Variants in TMEM131L observed in about 807,000 individuals in gnomAD.
TMEM131L encodes the protein transmembrane 131 like.
A neutral mutation model predicts 192.2 loss-of-function variants in TMEM131L; 54 were observed. That is an observed-to-expected ratio of 0.28 (90% CI 0.23 to 0.35). The LOEUF (loss-of-function observed/expected upper bound fraction) is 0.35. Ranked by LOEUF, TMEM131L falls within the 10% of genes least tolerant of loss-of-function variation. TMEM131L has a pLI of 1.00. For missense variants in TMEM131L, 1,888 were observed against 1,972.9 expected, an observed-to-expected ratio of 0.96 and a Z score of 0.82; for synonymous variants, 701 against 704.9, an observed-to-expected ratio of 0.99 and a Z score of 0.09.
intron 7 of TMEM131L, among the ~76,000 whole-genome samples, chr4:153,569,882 T>C (rs1729467765): frequency 6.6e-6 from 1 of 152,218 alleles, no homozygotes; most frequent in South Asian, 2.1e-4. Context: ...GGGAGAACTT[T>C]AATATTCAGA....
At chr4:153,552,499 T>G (rs1326924782) in intron 4 of TMEM131L, among the ~76,000 whole-genome samples, 1 of 152,098 alleles carries the variant, frequency 6.6e-6, no homozygotes, top group Non-Finnish European at 1.5e-5. Context: ...CTCAAGTCCT[T>G]GGCATAGTAT....
Position 153,636,602 on chromosome 4 carries a change from G to A in TMEM131L, c.*26G>A. The A allele has an allele frequency of 6.3e-7, 1 of 1,598,830 alleles. No individual in the cohort carries two copies. Among genetic ancestry groups the A allele is most frequent in the Non-Finnish European group, 8.6e-7 (1 of 1,168,890 alleles). ...AAATAATTGGATTTTTAAACAATGT[G>A]AATAAAGAGGCTTGTGTTTTGATTA... On this transcript the variant is annotated 3_prime_UTR_variant, in exon 35 of 35. Coordinates refer to ENST00000409959, the MANE Select transcript of TMEM131L (RefSeq NM_001131007.2).
chr4:153,616,462 TG>T (rs1180869652), intron 26 of TMEM131L, among the ~76,000 whole-genome samples: 3 of 152,260 alleles, frequency 2.0e-5, no homozygotes, highest in Non-Finnish European at 4.4e-5. Flanking sequence ...CTTACAAAAT[TG>T]TATAAATCTG....
intron 26 of TMEM131L, among the ~76,000 whole-genome samples, chr4:153,613,638 T>C (rs548878134): frequency 6.6e-6 from 1 of 152,308 alleles, no homozygotes; most frequent in Non-Finnish European, 1.5e-5. Flanking sequence ...TATATAAAAT[T>C]GACCCTTACA....
At chr4:153,586,079 T>G in intron 13 of TMEM131L, 130 bp from the exon 14 acceptor site, 1 of 615,312 alleles carries the variant, frequency 1.6e-6, no homozygotes, top group Non-Finnish European at 2.5e-6. Context: ...ATTCCAACTT[T>G]TGATCTGGAA....
intron 7 of TMEM131L, among the ~76,000 whole-genome samples, chr4:153,578,997 T>A (rs1730157047): frequency 6.6e-6 from 1 of 152,154 alleles, no homozygotes; most frequent in Non-Finnish European, 1.5e-5. Context: ...ATTTTAAAAA[T>A]TAAAAATCAG....
intron 3 of TMEM131L, among the ~76,000 whole-genome samples, chr4:153,496,498 T>A (rs1580070839): frequency 6.6e-6 from 1 of 152,320 alleles, no homozygotes; most frequent in South Asian, 2.1e-4. Flanking sequence ...ACTGTGACAG[T>A]GTCATTGTCA....
At chr4:153,546,181 G>A (rs866661452) in intron 3 of TMEM131L, among the ~76,000 whole-genome samples, 2 of 151,030 alleles carry the variant, frequency 1.3e-5, no homozygotes, top group South Asian at 4.2e-4. Flanking sequence ...GTGAGCCACT[G>A]CACCCGGTCC....
At chr4:153,623,292 G>A (rs993615430) in intron 29 of TMEM131L, among the ~76,000 whole-genome samples, 3 of 151,924 alleles carry the variant, frequency 2.0e-5, no homozygotes, top group Non-Finnish European at 4.4e-5. Context: ...ATCATTGTTT[G>A]TTAGTGTCTG....
At chr4:153,476,787 T>C (rs112649521) in intron 3 of TMEM131L, among the ~76,000 whole-genome samples, 12,905 of 152,144 alleles carry the variant, frequency 0.085, 1,567 homozygotes, top group African/African-American at 0.27. Context: ...ACATAAAATA[T>C]CCAGCCATGA....
intron 3 of TMEM131L, among the ~76,000 whole-genome samples, chr4:153,542,652 T>C (rs751275948): frequency 6.6e-6 from 1 of 152,232 alleles, no homozygotes; most frequent in Non-Finnish European, 1.5e-5. Flanking sequence ...TTAATAAATT[T>C]ACTTGCTGTC....
chr4:153,553,877 A>G (rs1174995123), intron 4 of TMEM131L, among the ~76,000 whole-genome samples: 1 of 152,200 alleles, frequency 6.6e-6, no homozygotes, highest in Non-Finnish European at 1.5e-5. Context: ...AAGGAAATTT[A>G]TATCCTCATA....
intron 3 of TMEM131L, among the ~76,000 whole-genome samples, chr4:153,507,267 T>C (rs1291031551): frequency 1.3e-5 from 2 of 152,162 alleles, no homozygotes; most frequent in Non-Finnish European, 2.9e-5. Flanking sequence ...AACTGTCCTT[T>C]GGAGGGTGTG....
intron 2 of TMEM131L, among the ~76,000 whole-genome samples, chr4:153,469,525 A>G (rs1241025798): frequency 1.3e-5 from 2 of 152,224 alleles, no homozygotes; most frequent in Admixed American, 6.5e-5. Flanking sequence ...TTTTCTGCTT[A>G]ATTAACCAGT....
chr4:153,510,897 A>C (rs1398276821), intron 3 of TMEM131L, among the ~76,000 whole-genome samples: 1 of 151,950 alleles, frequency 6.6e-6, no homozygotes, highest in Non-Finnish European at 1.5e-5. Context: ...AAAAAAAAAA[A>C]CAAGAAAAGA....
chr4:153,469,454 A>G (rs1305341425), intron 2 of TMEM131L, among the ~76,000 whole-genome samples: 2 of 152,162 alleles, frequency 1.3e-5, no homozygotes, highest in South Asian at 4.1e-4. Context: ...ATTCCCTCAT[A>G]TGTGTCAAAC....
In TMEM131L at chr4:153,593,748, T is replaced by A. The variant is rs758567618; in HGVS notation, c.1923-51T>A. 3 of 1,189,890 alleles carry A rather than the reference T, an allele frequency of 2.5e-6. No individual in the cohort carries two copies. The East Asian group carries it at 7.0e-5, about 28-fold the overall frequency. The allele number at this position is 1,189,890 out of a possible 1,614,324, so 73.7% of individuals were successfully genotyped here. A position where few individuals can be genotyped will look rare whatever the true frequency, so the allele number is the denominator to read the frequency against. On this transcript the variant is annotated intron_variant, in intron 18 of 34. Coordinates refer to ENST00000409959, the MANE Select transcript of TMEM131L (RefSeq NM_001131007.2). Reference sequence around the variant, plus strand: ...TGTGCACACACTTATTAAATCTTTCTTTACTGGCAGATGTGAGTGCTGTTT... The same window carrying A: ...TGTGCACACACTTATTAAATCTTTCATTACTGGCAGATGTGAGTGCTGTTT...
At chr4:153,574,588 G>A (rs1477716529) in intron 7 of TMEM131L, among the ~76,000 whole-genome samples, 2 of 152,176 alleles carry the variant, frequency 1.3e-5, no homozygotes, top group Non-Finnish European at 2.9e-5. Context: ...AGATGCATAT[G>A]TTGGCATAAG....
intron 11 of TMEM131L, 38 bp downstream of exon 11, chr4:153,583,710 T>C: frequency 8.3e-7 from 1 of 1,206,848 alleles, no homozygotes; most frequent in East Asian, 2.3e-5. Context: ...TGACTTTTGT[T>C]ATCTGGTTGT....
Sources: gnomAD v4.1 joint callset for allele counts (sites outside exome capture counted in the v4.1 genomes callset) on GRCh38, gnomAD v4.1.1 for gene constraint, MANE v1.5 for transcripts, NCBI Gene and HGNC (gene_info 2026-07-23, HGNC 2026-07-21) for gene names.